Variants in DMD observed in about 807,000 individuals in gnomAD.
DMD encodes the protein dystrophin, also known as mutant dystrophin.
A neutral mutation model predicts 330.1 loss-of-function variants in DMD; 63 were observed. That is an observed-to-expected ratio of 0.19 (90% CI 0.16 to 0.24). DMD has a LOEUF of 0.24. DMD is among the 10% of genes least tolerant of loss of function. DMD has a pLI of 1.00. For missense variants in DMD, 3,344 were observed against 2,684.1 expected (o/e 1.25, Z -5.43); for synonymous variants, 1,223 against 959.8 (o/e 1.27, Z -5.07).
intron 44 of DMD, among the ~76,000 whole-genome samples, chrX:32,164,881 G>A (rs1313390535): frequency 9.0e-6 from 1 of 111,685 alleles, no homozygotes; most frequent in African/African-American, 3.3e-5. Context: ...AAGGGGCCAA[G>A]GTACAGTTCG....
chrX:32,401,572 T>C (rs1295819678), intron 30 of DMD, among the ~76,000 whole-genome samples: 1 of 110,980 alleles, frequency 9.0e-6, no homozygotes, highest in African/African-American at 3.3e-5. Flanking sequence ...CTGGGAAGGG[T>C]AGTCAGGGGT....
In DMD at chrX:31,552,825, A is replaced by G. The variant is rs2074570230; in HGVS notation, c.8218-45372T>C. Among the ~76,000 whole-genome samples, 6 of 111,983 alleles carry G rather than the reference A, an allele frequency of 5.4e-5. No individual in the cohort carries two copies. In the Admixed American group the frequency reaches 5.7e-4, roughly 11 times the overall value. Reference sequence around the variant, plus strand: ...ATCTATTTCCTTATCCGCAGAATGGAGATGATAATACCACCTTCCTCAAGG... The same window carrying G: ...ATCTATTTCCTTATCCGCAGAATGGGGATGATAATACCACCTTCCTCAAGG... On this transcript the variant is annotated intron_variant, in intron 55 of 78. Coordinates refer to ENST00000357033, the MANE Select transcript of DMD (RefSeq NM_004006.3).
intron 48 of DMD, among the ~76,000 whole-genome samples, chrX:31,841,135 T>C (rs1408749955): frequency 9.0e-6 from 1 of 111,695 alleles, no homozygotes; most frequent in East Asian, 2.8e-4. Flanking sequence ...AACATGCAAA[T>C]GATAACAAAG....
chrX:32,204,047 A>C (rs1436795815), intron 44 of DMD, among the ~76,000 whole-genome samples: 2 of 111,631 alleles, frequency 1.8e-5, no homozygotes, highest in Non-Finnish European at 3.8e-5. Context: ...CATCTTCATC[A>C]CTTAATATAT....
At chrX:31,923,305 T>A (rs1182645842) in intron 47 of DMD, among the ~76,000 whole-genome samples, 1 of 111,544 alleles carries the variant, frequency 9.0e-6, no homozygotes, top group African/African-American at 3.3e-5. Flanking sequence ...AACTATAAAT[T>A]AGAGATATGA....
intron 41 of DMD, among the ~76,000 whole-genome samples, chrX:32,337,445 A>G (rs1396618581): frequency 9.1e-6 from 1 of 109,445 alleles, no homozygotes; most frequent in East Asian, 2.9e-4. Flanking sequence ...ATGTCATAAC[A>G]TGCTCAGCTC....
intron 1 of DMD, among the ~76,000 whole-genome samples, chrX:33,142,290 G>C (rs1234163170): frequency 8.9e-6 from 1 of 112,441 alleles, no homozygotes; most frequent in Non-Finnish European, 1.9e-5. Flanking sequence ...TCACCATGTT[G>C]ATCAGGCTGG....
intron 60 of DMD, among the ~76,000 whole-genome samples, chrX:31,373,475 T>C (rs1032420530): frequency 5.9e-5 from 6 of 102,085 alleles, no homozygotes; most frequent in African/African-American, 1.7e-4. Flanking sequence ...AACAGAGACA[T>C]AGATCAATGG....
chrX:32,130,334 C>T (rs1346376306), intron 44 of DMD, among the ~76,000 whole-genome samples: 1 of 111,566 alleles, frequency 9.0e-6, no homozygotes, highest in Non-Finnish European at 1.9e-5. Flanking sequence ...CTATCAATGC[C>T]AGAATTATCA....
intron 11 of DMD, among the ~76,000 whole-genome samples, chrX:32,627,318 C>A (rs1264854710): frequency 1.9e-5 from 2 of 103,179 alleles, no homozygotes; most frequent in Non-Finnish European, 3.8e-5. Context: ...CACAAACATG[C>A]GTTTACTTAT....
At chrX:32,814,985 G>A (rs2077617035) in intron 6 of DMD, among the ~76,000 whole-genome samples, 1 of 111,446 alleles carries the variant, frequency 9.0e-6, no homozygotes, top group Non-Finnish European at 1.9e-5. Context: ...TTAAAACACA[G>A]ACAGAATGTC....
chrX:32,058,810 T>C (rs1338738645), intron 44 of DMD, among the ~76,000 whole-genome samples: 1 of 111,712 alleles, frequency 9.0e-6, no homozygotes, highest in South Asian at 3.6e-4. Flanking sequence ...ATGTTTATTG[T>C]AGCATTTTTA....
chrX:32,510,666 C>T (rs1369829825), intron 18 of DMD, among the ~76,000 whole-genome samples: 3 of 111,643 alleles, frequency 2.7e-5, no homozygotes, highest in Admixed American at 1.9e-4. Flanking sequence ...ACCCACAATG[C>T]TCTCTTAAAG....
intron 47 of DMD, among the ~76,000 whole-genome samples, chrX:31,903,023 C>T (rs1163525725): frequency 3.6e-5 from 4 of 111,122 alleles, no homozygotes; most frequent in Admixed American, 2.9e-4. Context: ...CTCAACATTG[C>T]CATTGTTTAT....
intron 2 of DMD, among the ~76,000 whole-genome samples, chrX:32,976,321 C>T (rs2092551537): frequency 9.0e-6 from 1 of 111,344 alleles, no homozygotes; most frequent in Non-Finnish European, 1.9e-5. Context: ...TGATTGTCCC[C>T]ATAACGGATG....
chrX:32,400,127 G>A (rs762603483), intron 30 of DMD, among the ~76,000 whole-genome samples: 345 of 111,462 alleles, frequency 3.1e-3, no homozygotes, highest in Non-Finnish European at 4.7e-3. Flanking sequence ...TTTGAAATAC[G>A]TCCCATCAAT....
chrX:32,441,077 T>C (rs1415612720), intron 28 of DMD, 103 bp downstream of exon 28: 3 of 887,880 alleles, frequency 3.4e-6, no homozygotes, highest in African/African-American at 4.0e-5. Flanking sequence ...ATAGTAATTA[T>C]ACTCTCTTGG....
chrX:31,281,514 A>G (rs1474549129), intron 62 of DMD, among the ~76,000 whole-genome samples: 3 of 111,625 alleles, frequency 2.7e-5, no homozygotes, highest in Non-Finnish European at 5.6e-5. Flanking sequence ...GCTCATCAAC[A>G]TCAAACTTAT....
At position 32,472,228 on chromosome X, in the gene DMD, A is replaced by G; in HGVS notation, c.2885T>C (p.Leu962Pro). ...GGTGACACTAAGTTGAGGTATGGAG[A>G]GTTTGGTTTCTGACTGCTGGACCCA... ...RTWVQQSETK[L>P]SIPQLSVTDY... The change falls in exon 22 of 79, where the codon CTC becomes CCC. Residue 962 changes from leucine (L) to proline (P), a missense_variant. Leu to Pro is a moderately conservative substitution (Grantham distance 98). Coordinates refer to ENST00000357033, the MANE Select transcript of DMD (RefSeq NM_004006.3). The G allele has an allele frequency of 8.3e-7, 1 of 1,210,819 alleles. No individual in the cohort carries two copies. Among genetic ancestry groups the G allele is most frequent in the Non-Finnish European group, 1.1e-6 (1 of 894,871 alleles).
Sources: allele counts gnomAD v4.1 joint callset (sites outside exome capture counted in the v4.1 genomes callset), GRCh38; gene constraint gnomAD v4.1.1; transcripts MANE v1.5; gene names NCBI Gene and HGNC (gene_info 2026-07-23, HGNC 2026-07-21).